Variants in GRK5 observed in about 807,000 individuals in gnomAD.
GRK5 encodes the protein G protein-coupled receptor kinase 5, also known as g protein-coupled receptor kinase GRK5.
In GRK5, 40 loss-of-function variants were observed where a neutral mutation model predicts 78.4. That is an observed-to-expected ratio of 0.51 (90% CI 0.40 to 0.66). The LOEUF is 0.66. Ranked by LOEUF, GRK5 falls within the 30% of genes least tolerant of loss-of-function variation. The pLI, the probability that GRK5 is intolerant of heterozygous loss-of-function variation, is 0.00. For synonymous variants in GRK5, 289 were observed against 296.8 expected, an observed-to-expected ratio of 0.97 and a Z score of 0.27; for missense variants, 598 against 759.9, an observed-to-expected ratio of 0.79 and a Z score of 2.50.
At chr10:119,434,125 A>T (rs1454426808) in intron 8 of GRK5, among the ~76,000 whole-genome samples, 2 of 152,144 alleles carry the variant, frequency 1.3e-5, no homozygotes, top group African/African-American at 4.8e-5. Context: ...CCACAATTCA[A>T]TTATCTCCCA....
At chr10:119,280,465 A>G (rs1849744789) in intron 1 of GRK5, among the ~76,000 whole-genome samples, 1 of 152,112 alleles carries the variant, frequency 6.6e-6, no homozygotes, top group East Asian at 1.9e-4. Context: ...CATCCTCCAT[A>G]GGTGGTTCTG....
intron 1 of GRK5, among the ~76,000 whole-genome samples, chr10:119,323,683 G>A (rs7096856): frequency 0.69 from 104,752 of 152,026 alleles, 37,851 homozygotes; most frequent in Non-Finnish European, 0.79. Context: ...TCTGGATTTC[G>A]ATGTGAAATC....
chr10:119,285,699 A>T (rs1004433327), intron 1 of GRK5, among the ~76,000 whole-genome samples: 1 of 152,188 alleles, frequency 6.6e-6, no homozygotes, highest in Non-Finnish European at 1.5e-5. Flanking sequence ...GTGACACGGT[A>T]AAAGGAGCGG....
chr10:119,248,985 C>A (rs933967059), intron 1 of GRK5, among the ~76,000 whole-genome samples: 1 of 152,072 alleles, frequency 6.6e-6, no homozygotes, highest in Non-Finnish European at 1.5e-5. Context: ...AATGGAGATA[C>A]TAGCTGGGCG....
chr10:119,280,801 A>G (rs1400226203), intron 1 of GRK5, among the ~76,000 whole-genome samples: 4 of 124,660 alleles, frequency 3.2e-5, no homozygotes, highest in African/African-American at 1.3e-4. Context: ...TTTTTTTGAG[A>G]CAGAGTCTCA....
At chr10:119,248,790 C>T (rs867662456) in intron 1 of GRK5, among the ~76,000 whole-genome samples, 5 of 152,072 alleles carry the variant, frequency 3.3e-5, no homozygotes, top group Admixed American at 6.5e-5. Flanking sequence ...TTTTGTTGAA[C>T]AGCATGCTCA....
chr10:119,285,150 A>G (rs1849826110), intron 1 of GRK5, among the ~76,000 whole-genome samples: 1 of 152,182 alleles, frequency 6.6e-6, no homozygotes, highest in African/African-American at 2.4e-5. Flanking sequence ...TCATGGGTTC[A>G]CGTTGGCTGG....
chr10:119,245,503 G>A (rs1048006680), intron 1 of GRK5, among the ~76,000 whole-genome samples: 5 of 152,118 alleles, frequency 3.3e-5, no homozygotes, highest in African/African-American at 4.8e-5. Flanking sequence ...GGACATTATC[G>A]TAAGTAAAAT....
intron 4 of GRK5, among the ~76,000 whole-genome samples, chr10:119,415,122 G>A (rs1315215911): frequency 6.6e-6 from 1 of 151,146 alleles, no homozygotes; most frequent in Non-Finnish European, 1.5e-5. Context: ...AAAAAGAAAT[G>A]GCAGTGATGG....
At chr10:119,272,992 G>A (rs1030815972) in intron 1 of GRK5, among the ~76,000 whole-genome samples, 2 of 152,208 alleles carry the variant, frequency 1.3e-5, no homozygotes, top group South Asian at 2.1e-4. Flanking sequence ...CCTCTCTGAC[G>A]CCTTCCAAGT....
At chr10:119,290,346 C>CA (rs1220792004) in intron 1 of GRK5, among the ~76,000 whole-genome samples, 6,659 of 39,264 alleles carry the variant, frequency 0.17, 638 homozygotes, top group Non-Finnish European at 0.21. Flanking sequence ...GATTCCGTCT[C>CA]AAAAAAAAAA....
intron 1 of GRK5, among the ~76,000 whole-genome samples, chr10:119,242,293 A>G (rs1849039551): frequency 6.6e-6 from 1 of 151,894 alleles, no homozygotes; most frequent in African/African-American, 2.4e-5. Flanking sequence ...CCAGGTGGGG[A>G]GCCCGATCTA....
At chr10:119,218,302 AC>A (rs1324449874) in intron 1 of GRK5, among the ~76,000 whole-genome samples, 2 of 151,936 alleles carry the variant, frequency 1.3e-5, no homozygotes, top group African/African-American at 2.4e-5. Flanking sequence ...CTCTAAACTT[AC>A]CCACTCCAGG....
intron 1 of GRK5, among the ~76,000 whole-genome samples, chr10:119,290,359 A>AAAAAAAAAAACAAAAC (rs1554903184): frequency 3.5e-5 from 5 of 142,476 alleles, no homozygotes; most frequent in African/African-American, 1.1e-4. Context: ...AAAAAAAAAA[A>AAAAAAAAAAACAAAAC]AAAACAAAAA....
At chr10:119,262,944 G>A (rs1849435497) in intron 1 of GRK5, among the ~76,000 whole-genome samples, 1 of 152,180 alleles carries the variant, frequency 6.6e-6, no homozygotes, top group African/African-American at 2.4e-5. Context: ...ATACAGCTGA[G>A]GAAAAGGGTT....
intron 6 of GRK5, among the ~76,000 whole-genome samples, chr10:119,426,298 G>T (rs1015468597): frequency 5.9e-5 from 9 of 152,210 alleles, no homozygotes; most frequent in Admixed American, 2.6e-4. Context: ...TGACTGGTGG[G>T]GATGACAGCG....
At chr10:119,223,661 C>G (rs115687416) in intron 1 of GRK5, among the ~76,000 whole-genome samples, 1,603 of 151,406 alleles carry the variant, frequency 0.011, 38 homozygotes, top group African/African-American at 0.037. Context: ...TTCTTCTAAG[C>G]AGCCTATCCG....
chr10:119,286,671 T>C (rs568838697), intron 1 of GRK5, among the ~76,000 whole-genome samples: 1 of 152,342 alleles, frequency 6.6e-6, no homozygotes, highest in South Asian at 2.1e-4. Context: ...GTTTGTTGTC[T>C]CCGGTCAGCC....
intron 1 of GRK5, among the ~76,000 whole-genome samples, chr10:119,320,129 C>T (rs1284354941): frequency 2.6e-5 from 4 of 152,164 alleles, no homozygotes; most frequent in East Asian, 1.9e-4. Context: ...CCTGTAGGGT[C>T]GGAGTGGGGG....
Sources: allele counts gnomAD v4.1 joint callset (sites outside exome capture counted in the v4.1 genomes callset), GRCh38; gene constraint gnomAD v4.1.1; transcripts MANE v1.5; gene names NCBI Gene and HGNC (gene_info 2026-07-23, HGNC 2026-07-21).